Variants in CHSY3 observed in about 807,000 individuals in gnomAD.
CHSY3 encodes the protein chondroitin sulfate synthase 3.
CHSY3 carries 35 observed loss-of-function variants against 67.2 expected under a neutral mutation model. That is an observed-to-expected ratio of 0.52 (90% CI 0.40 to 0.69). The LOEUF is 0.69. CHSY3 is among the 30% of genes least tolerant of loss of function. The probability of loss-of-function intolerance (pLI) is 0.00; values close to 1 mark genes in which losing one functional copy is unlikely to be tolerated. For synonymous variants in CHSY3, 474 were observed against 434.7 expected, an observed-to-expected ratio of 1.09 and a Z score of -1.12; for missense variants, 1,069 against 1,138.5, an observed-to-expected ratio of 0.94 and a Z score of 0.88.
At chr5:130,102,562 T>C (rs1767281073) in intron 2 of CHSY3, among the ~76,000 whole-genome samples, 2 of 152,036 alleles carry the variant, frequency 1.3e-5, no homozygotes, top group Non-Finnish European at 1.5e-5. Context: ...CCTTACGGTG[T>C]AGAGCAGCAC....
chr5:129,979,053 A>G (rs1453381195), intron 2 of CHSY3, among the ~76,000 whole-genome samples: 1 of 151,650 alleles, frequency 6.6e-6, no homozygotes, highest in African/African-American at 2.4e-5. Flanking sequence ...AAAAAAAATT[A>G]GCCGGGTGTG....
intron 2 of CHSY3, chr5:130,140,337 A>G (rs1180451369): frequency 1.1e-5 from 6 of 550,894 alleles, no homozygotes; most frequent in South Asian, 6.1e-5. Context: ...ACGTCCAAGT[A>G]GAATACAAGG....
intron 2 of CHSY3, among the ~76,000 whole-genome samples, chr5:130,122,917 TCC>T (rs1472270429): frequency 1.4e-4 from 22 of 152,168 alleles, no homozygotes; most frequent in Admixed American, 6.5e-5. Flanking sequence ...ACTTCAGTTG[TCC>T]AGAGAGATGA....
chr5:130,055,966 T>C (rs1765519535), intron 2 of CHSY3, among the ~76,000 whole-genome samples: 1 of 152,110 alleles, frequency 6.6e-6, no homozygotes, highest in Non-Finnish European at 1.5e-5. Context: ...AGAATTGATG[T>C]TGATTCTCTT....
chr5:129,972,517 T>C (rs927312747), intron 2 of CHSY3, among the ~76,000 whole-genome samples: 6 of 152,102 alleles, frequency 3.9e-5, no homozygotes, highest in South Asian at 2.1e-4. Context: ...GCCTTTTTTT[T>C]CCCCTAAGTA....
chr5:130,164,986 G>A (rs1769698382), intron 2 of CHSY3, among the ~76,000 whole-genome samples: 1 of 152,122 alleles, frequency 6.6e-6, no homozygotes, highest in East Asian at 1.9e-4. Flanking sequence ...GGCACTAGGA[G>A]AGAAAGAAGC....
At chr5:130,043,108 C>A (rs747923838) in intron 2 of CHSY3, among the ~76,000 whole-genome samples, 11 of 151,974 alleles carry the variant, frequency 7.2e-5, no homozygotes, top group Non-Finnish European at 1.5e-4. Context: ...TAACAAGGAG[C>A]CCTTTGCCTT....
At chr5:130,061,892 C>CA (rs145716348) in intron 2 of CHSY3, among the ~76,000 whole-genome samples, 12,355 of 142,636 alleles carry the variant, frequency 0.087, 1,561 homozygotes, top group African/African-American at 0.28. Flanking sequence ...ATTAAAAAGT[C>CA]AAAAAAAAAA....
intron 2 of CHSY3, among the ~76,000 whole-genome samples, chr5:130,165,295 A>G (rs1461451504): frequency 6.6e-6 from 1 of 152,164 alleles, no homozygotes; most frequent in Non-Finnish European, 1.5e-5. Context: ...AAGAGAAGCA[A>G]GATTCAAGAG....
At chr5:130,060,349 C>T (rs543278687) in intron 2 of CHSY3, among the ~76,000 whole-genome samples, 25 of 152,068 alleles carry the variant, frequency 1.6e-4, no homozygotes, top group Non-Finnish European at 2.9e-4. Flanking sequence ...AAAAGGCATT[C>T]GATAAAGTCC....
At chr5:130,087,641 C>T (rs1766698729) in intron 2 of CHSY3, among the ~76,000 whole-genome samples, 1 of 151,954 alleles carries the variant, frequency 6.6e-6, no homozygotes, top group East Asian at 1.9e-4. Flanking sequence ...AATAAAATAC[C>T]TAGGAATCCA....
intron 2 of CHSY3, among the ~76,000 whole-genome samples, chr5:130,010,682 A>C (rs1052859428): frequency 6.6e-6 from 1 of 152,160 alleles, no homozygotes; most frequent in Non-Finnish European, 1.5e-5. Flanking sequence ...ATTATAAAAA[A>C]TCAACAAAAC....
At chr5:129,979,856 C>A (rs906284848) in intron 2 of CHSY3, among the ~76,000 whole-genome samples, 2 of 152,114 alleles carry the variant, frequency 1.3e-5, no homozygotes, top group Non-Finnish European at 2.9e-5. Context: ...AGTACATAAC[C>A]TTTTTCGCTT....
intron 2 of CHSY3, chr5:130,002,302 A>AC (rs1278117729): frequency 6.6e-6 from 1 of 152,472 alleles, no homozygotes; most frequent in Non-Finnish European, 1.5e-5. Flanking sequence ...CCTGTAGAAG[A>AC]CCATGTCCTG....
chr5:129,932,634 G>A (rs539754426), intron 2 of CHSY3, among the ~76,000 whole-genome samples: 25 of 152,122 alleles, frequency 1.6e-4, no homozygotes, highest in Admixed American at 7.2e-4. Context: ...ACATCTTCTT[G>A]ATCCATGTAT....
intron 2 of CHSY3, among the ~76,000 whole-genome samples, chr5:130,003,403 AT>A (rs1763789433): frequency 6.6e-6 from 1 of 152,178 alleles, no homozygotes; most frequent in African/African-American, 2.4e-5. Context: ...CTTGGATCTG[AT>A]ACAACCTAAA....
chr5:129,929,626 C>A (rs908399492), intron 2 of CHSY3, among the ~76,000 whole-genome samples: 1 of 152,044 alleles, frequency 6.6e-6, no homozygotes, highest in Non-Finnish European at 1.5e-5. Context: ...GTGGAAATTT[C>A]TCAGGAATAG....
At chr5:130,160,710 T>C (rs1769505600) in intron 2 of CHSY3, among the ~76,000 whole-genome samples, 1 of 152,082 alleles carries the variant, frequency 6.6e-6, no homozygotes, top group Non-Finnish European at 1.5e-5. Context: ...TGCCTAACTC[T>C]AGGTTTAGGA....
chr5:130,167,910 A>G (rs1374831324), intron 2 of CHSY3, among the ~76,000 whole-genome samples: 1 of 152,096 alleles, frequency 6.6e-6, no homozygotes, highest in African/African-American at 2.4e-5. Flanking sequence ...TCCTTTTCCT[A>G]GAAGAAAATT....
Sources: allele counts gnomAD v4.1 joint callset (sites outside exome capture counted in the v4.1 genomes callset), GRCh38; gene constraint gnomAD v4.1.1; transcripts MANE v1.5; gene names NCBI Gene and HGNC (gene_info 2026-07-23, HGNC 2026-07-21).